TMEM161B: variants seen among roughly 807,000 people sequenced by gnomAD.
TMEM161B encodes transmembrane protein 161B.
In TMEM161B, 34 loss-of-function variants were observed where a neutral mutation model predicts 61.8. The ratio of observed to expected loss-of-function variants is 0.55; its 90% confidence interval spans 0.42 to 0.73. The LOEUF (loss-of-function observed/expected upper bound fraction) is 0.73, where lower values mean the gene tolerates loss of function less well. Among genes scored for constraint, TMEM161B ranks in the 30% least tolerant of loss-of-function variants. The pLI, the probability that TMEM161B is intolerant of heterozygous loss-of-function variation, is 0.00. For missense variants in TMEM161B, 456 were observed against 558.5 expected, an observed-to-expected ratio of 0.82 and a Z score of 1.85; for synonymous variants, 167 against 192.8, an observed-to-expected ratio of 0.87 and a Z score of 1.11.
At position 88,196,238 on chromosome 5, in the gene TMEM161B, G is replaced by A. The variant is rs746032221; in HGVS notation, c.1437C>T (p.Phe479=). ...ATGCCACAGTCAGATACTGGTGATA[G>A]AAAAGCCCAAAAAGGCTTGTAGAAA... is the stretch of plus-strand genomic sequence containing the variant. ...CLFSTSLFGL[F]YHQYLTVA is the part of the protein sequence containing the mutation. Residue 479 remains phenylalanine, a synonymous_variant, in exon 12 of 12, where the codon TTC becomes TTT. Transcript: ENST00000296595. 1.2e-6 allele frequency: 2 copies of A among 1,612,044 alleles called. No homozygotes were observed. Among genetic ancestry groups the A allele is most frequent in the South Asian group, 2.2e-5 (2 of 90,934 alleles).
chr5:88,199,269 C>A, intron 9 of TMEM161B, 119 bp from the exon 10 acceptor site: 1 of 949,104 alleles, frequency 1.1e-6, no homozygotes, highest in Non-Finnish European at 1.5e-6. Flanking sequence ...CAGTTAGACA[C>A]ATAAAAGAAT....
intron 1 of TMEM161B, among the ~76,000 whole-genome samples, chr5:88,246,555 G>A (rs1008046151): frequency 6.6e-6 from 1 of 151,842 alleles, no homozygotes; most frequent in East Asian, 1.9e-4. Flanking sequence ...AGGGATTAAT[G>A]TATTAATGTA....
At chr5:88,263,987 A>G (rs1272640994) in intron 1 of TMEM161B, among the ~76,000 whole-genome samples, 4 of 152,150 alleles carry the variant, frequency 2.6e-5, no homozygotes, top group African/African-American at 7.2e-5. Context: ...CTGCTAATAC[A>G]TGACCGAATC....
At position 88,210,002 on chromosome 5, in the gene TMEM161B, A is replaced by G. The variant is rs1220242473; in HGVS notation, c.447-2822T>C. 2.0e-5 allele frequency among the ~76,000 whole-genome samples: 3 copies of G among 152,172 alleles called. No homozygotes were observed. The East Asian group carries it at 5.8e-4, about 29-fold the overall frequency. ...CACTTACTAATATAATTCACTCGCC[A>G]TGTAATCATATACTATCTTAAACTA... On this transcript the variant is annotated intron_variant, in intron 5 of 11. Transcript: ENST00000296595.
intron 2 of TMEM161B, among the ~76,000 whole-genome samples, chr5:88,232,718 C>T (rs1751207715): frequency 1.3e-5 from 2 of 152,030 alleles, no homozygotes; most frequent in South Asian, 2.1e-4. Flanking sequence ...GGACTACTAG[C>T]GCCCGCCACC....
At chr5:88,228,691 G>C (rs1448156656) in intron 2 of TMEM161B, among the ~76,000 whole-genome samples, 163 bp from the exon 3 acceptor site, 3 of 151,740 alleles carry the variant, frequency 2.0e-5, no homozygotes, top group Admixed American at 6.6e-5. Flanking sequence ...ACTTTAAAAG[G>C]GTTTAGATAA....
At chr5:88,200,077 G>T (rs146681990) in intron 9 of TMEM161B, 1 of 138,174 alleles carries the variant, frequency 7.2e-6, no homozygotes, top group African/African-American at 2.5e-5. Context: ...TGCATATAAA[G>T]AACAAATGAG....
intron 2 of TMEM161B, among the ~76,000 whole-genome samples, chr5:88,238,971 A>G (rs919594253): frequency 6.6e-6 from 1 of 152,000 alleles, no homozygotes; most frequent in African/African-American, 2.4e-5. Context: ...ATATGGCATT[A>G]CAGGCAGCAT....
intron 2 of TMEM161B, among the ~76,000 whole-genome samples, chr5:88,238,254 C>T (rs995065742): frequency 9.9e-5 from 15 of 151,484 alleles, no homozygotes; most frequent in African/African-American, 1.7e-4. Context: ...GCACTACAAT[C>T]GGCTGCAACT....
At chr5:88,228,993 A>G (rs1750535336) in intron 2 of TMEM161B, among the ~76,000 whole-genome samples, 2 of 152,160 alleles carry the variant, frequency 1.3e-5, no homozygotes, top group South Asian at 4.1e-4. Context: ...TTAGTTCGAG[A>G]ATTCTCAAAC....
chr5:88,233,478 G>T (rs1751351595), intron 2 of TMEM161B, among the ~76,000 whole-genome samples: 1 of 152,068 alleles, frequency 6.6e-6, no homozygotes, highest in Admixed American at 6.6e-5. Flanking sequence ...ACATAAGAGG[G>T]GACTGAAGAG....
chr5:88,214,209 A>G (rs1487465565), intron 5 of TMEM161B, among the ~76,000 whole-genome samples: 1 of 152,206 alleles, frequency 6.6e-6, no homozygotes, highest in Admixed American at 6.5e-5. Flanking sequence ...CAACGAAAGA[A>G]AATTAAAATT....
chr5:88,203,220 AT>A, intron 8 of TMEM161B, 145 bp from the exon 9 acceptor site: 1 of 548,108 alleles, frequency 1.8e-6, no homozygotes, highest in South Asian at 2.6e-5. Flanking sequence ...ATCATTTTAT[AT>A]TTATCATTAT....
intron 4 of TMEM161B, among the ~76,000 whole-genome samples, chr5:88,225,189 G>A (rs886946434): frequency 5.3e-5 from 8 of 151,974 alleles, no homozygotes; most frequent in Middle Eastern, 3.4e-3. Context: ...GGATGGTCTC[G>A]ATCTCCTGAC....
At chr5:88,241,067 C>T (rs949806045) in intron 1 of TMEM161B, 151 bp from the exon 2 acceptor site, 1 of 462,956 alleles carries the variant, frequency 2.2e-6, no homozygotes, top group African/African-American at 2.0e-5. Flanking sequence ...TATCTGCAGG[C>T]TCCACAACTG....
At chr5:88,220,760 A>G (rs746978367) in intron 4 of TMEM161B, 41 bp from the exon 5 acceptor site, 17 of 1,507,268 alleles carry the variant, frequency 1.1e-5, no homozygotes, top group African/African-American at 1.4e-5. Context: ...AAGGTCAAAA[A>G]AAACAGTTTC....
chr5:88,246,352 A>C (rs2112692516), intron 1 of TMEM161B, among the ~76,000 whole-genome samples: 1 of 151,958 alleles, frequency 6.6e-6, no homozygotes, highest in East Asian at 1.9e-4. Context: ...GATAATTTTT[A>C]AATTATGTGG....
At chr5:88,260,903 A>C (rs887987036) in intron 1 of TMEM161B, among the ~76,000 whole-genome samples, 1 of 152,234 alleles carries the variant, frequency 6.6e-6, no homozygotes, top group African/African-American at 2.4e-5. Context: ...CAAAACACAA[A>C]AGATATTTAA....
intron 5 of TMEM161B, among the ~76,000 whole-genome samples, chr5:88,218,024 G>C (rs1190225505): frequency 6.6e-6 from 1 of 151,432 alleles, no homozygotes; most frequent in African/African-American, 2.4e-5. Flanking sequence ...AGAAGAAAAA[G>C]AGGTTGTGAA....
Sources: gnomAD v4.1 joint callset for allele counts (sites outside exome capture counted in the v4.1 genomes callset) on GRCh38, gnomAD v4.1.1 for gene constraint, MANE v1.5 for transcripts, NCBI Gene and HGNC (gene_info 2026-07-23, HGNC 2026-07-21) for gene names.